Variants in PIEZO1 observed in about 807,000 individuals in gnomAD.
The protein encoded by PIEZO1 is piezo-type mechanosensitive ion channel component 1.
Under a neutral mutation model 297.2 loss-of-function variants are expected in PIEZO1, and 296 were observed. That is an observed-to-expected ratio of 1.00 (90% CI 0.91 to 1.10). The LOEUF (loss-of-function observed/expected upper bound fraction) is 1.10. PIEZO1 is among the 50% of genes least tolerant of loss of function. PIEZO1 has a pLI of 0.00. For missense variants in PIEZO1, 5,018 were observed against 3,455.5 expected (o/e 1.45, Z -11.34); for synonymous variants, 2,427 against 1,507.5 (o/e 1.61, Z -14.13).
chr16:88,725,844 C>A, intron 27 of PIEZO1, 160 bp from the exon 28 acceptor site: 1 of 616,646 alleles, frequency 1.6e-6, no homozygotes, highest in Non-Finnish European at 3.0e-6. Context: ...CCCCCACCCT[C>A]CGTGCTGTCT....
At chr16:88,766,298 A>G (rs1907176038) in intron 1 of PIEZO1, among the ~76,000 whole-genome samples, 1 of 152,236 alleles carries the variant, frequency 6.6e-6, no homozygotes, top group Non-Finnish European at 1.5e-5. Flanking sequence ...GGACCGCCAC[A>G]GAGAAGCCCG....
At chr16:88,778,670 G>A (rs1004934492) in intron 1 of PIEZO1, among the ~76,000 whole-genome samples, 3 of 152,200 alleles carry the variant, frequency 2.0e-5, no homozygotes, top group Non-Finnish European at 4.4e-5. Context: ...ACCAGCAGCT[G>A]CCCAGATCCT....
At chr16:88,775,220 G>C (rs1034739785) in intron 1 of PIEZO1, among the ~76,000 whole-genome samples, 1 of 152,232 alleles carries the variant, frequency 6.6e-6, no homozygotes, top group African/African-American at 2.4e-5. Context: ...GGATTGCCTG[G>C]CACAGGCTGG....
At chr16:88,758,700 C>CAG (rs1187134973) in intron 1 of PIEZO1, among the ~76,000 whole-genome samples, 1 of 152,220 alleles carries the variant, frequency 6.6e-6, no homozygotes, top group African/African-American at 2.4e-5. Context: ...CACCACTGGG[C>CAG]TCTGGCCCTG....
Position 88,734,526 on chromosome 16 carries a change from C to T in PIEZO1, c.2010G>A (p.Leu670=), listed in dbSNP as rs1184780831. 2.6e-6 allele frequency: 4 copies of T among 1,543,292 alleles called. No individual in the cohort carries two copies. The highest frequency in any genetic ancestry group is 1.4e-5 in the African/African-American group (1 of 73,070). The change falls in exon 16 of 51, where the codon CTG becomes CTA. Residue 670 remains leucine, a synonymous_variant. Transcript: ENST00000301015. Reference sequence around the variant, plus strand: ...CGGACACGCTGAACTGCTCCAGGCCCAGGTCCCCCAGCCTGTGGAGGGGCA... The same window carrying T: ...CGGACACGCTGAACTGCTCCAGGCCTAGGTCCCCCAGCCTGTGGAGGGGCA... ...TGFTDEQLGD[L]GLEQFSVSEL... is the part of the protein sequence containing the mutation.
At chr16:88,778,777 C>A (rs970208831) in intron 1 of PIEZO1, among the ~76,000 whole-genome samples, 11 of 152,184 alleles carry the variant, frequency 7.2e-5, no homozygotes, top group African/African-American at 2.4e-4. Flanking sequence ...TGCGACCCCA[C>A]ACAGAAGGGC....
At chr16:88,750,769 G>T (rs1208460632) in intron 1 of PIEZO1, among the ~76,000 whole-genome samples, 1 of 152,196 alleles carries the variant, frequency 6.6e-6, no homozygotes, top group Admixed American at 6.5e-5. Context: ...AGCCTTTCCG[G>T]GGCTACCAGG....
At position 88,725,561 on chromosome 16, in the gene PIEZO1, G is replaced by A. The variant is rs776975220; in HGVS notation, c.4058+34C>T. 7.7e-5 allele frequency: 118 copies of A among 1,526,908 alleles called. 1 individual carries two copies. The highest frequency in any genetic ancestry group is 4.1e-5 in the African/African-American group (3 of 72,614). The allele number at this position is 1,526,908 out of a possible 1,614,324, so 94.6% of individuals were successfully genotyped here. ...TGGGGTATGCTGAGCATTGGGGGGA[G>A]GAGCCGGGGAGTCCCCGCCCCAGAG... On this transcript the variant is annotated intron_variant, in intron 28 of 50. Transcript: ENST00000301015.
chr16:88,715,963 G>A lies in PIEZO1; in HGVS notation c.7286C>T (p.Pro2429Leu). Residue 2429 changes from proline to leucine, a missense_variant, in exon 50 of 51, where the codon CCA (proline) becomes CTA (leucine). Pro to Leu is a moderately conservative substitution (Grantham distance 98, BLOSUM62 -3). Coordinates refer to ENST00000301015, the MANE Select transcript of PIEZO1 (RefSeq NM_001142864.4). ...PMVIFSDKVS[P>L]PSLGFLAGYG... is the part of the protein sequence containing the mutation. ...GCCAGCCAGGAAGCCGAGGCTCGGT[G>A]GGCTGACCTTGTCACTGAAAATGAC... The A allele has an allele frequency of 6.5e-7, 1 of 1,550,038 alleles. No homozygotes were observed. The highest frequency in any genetic ancestry group is 8.7e-7 in the Non-Finnish European group (1 of 1,146,786).
chr16:88,715,355 A>ATAAAT lies in PIEZO1; in HGVS notation c.*245_*249dup. The ATAAAT allele has an allele frequency of 8.0e-7, 1 of 1,248,392 alleles. No individual in the cohort carries two copies. 77.3% of individuals were successfully genotyped at this position (1,248,392 alleles called of 1,614,324 possible). ...GACTGGCCTCTGATTGTCCATTTGT[A>ATAAAT]TAAATAAAACATTTTTTAATTAAAA... On this transcript the variant is annotated 3_prime_UTR_variant, in exon 51 of 51. Transcript: ENST00000301015.
intron 1 of PIEZO1, 43 bp downstream of exon 1, chr16:88,784,858 G>T: frequency 7.5e-7 from 1 of 1,340,384 alleles, no homozygotes; most frequent in Non-Finnish European, 9.9e-7. Flanking sequence ...GAGCCGAGAC[G>T]CAGCCCCCTC....
At position 88,749,365 on chromosome 16, in the gene PIEZO1, C is replaced by A; in HGVS notation, c.160+19G>T. The stretch of plus-strand genomic sequence containing the variant: ...CCCCCTCCCACCCTGAGAGCGTGGG[C>A]AGGGTCCCCTGGCCTTACCTTGGAG... On this transcript the variant is annotated intron_variant, in intron 2 of 50. Coordinates refer to ENST00000301015, the MANE Select transcript of PIEZO1 (RefSeq NM_001142864.4). The A allele has an allele frequency of 6.9e-7, 1 of 1,453,602 alleles. No individual in the cohort carries two copies. Among genetic ancestry groups the A allele is most frequent in the Non-Finnish European group, 9.0e-7 (1 of 1,107,072 alleles). The allele number at this position is 1,453,602 out of a possible 1,614,324, so 90.0% of individuals were successfully genotyped here.
intron 1 of PIEZO1, among the ~76,000 whole-genome samples, chr16:88,762,566 C>G (rs1424776013): frequency 6.6e-6 from 1 of 152,190 alleles, no homozygotes; most frequent in East Asian, 1.9e-4. Flanking sequence ...AGGGTAGACC[C>G]CCAGTGGTGC....
intron 34 of PIEZO1, 51 bp downstream of exon 34, chr16:88,722,786 G>T: frequency 6.5e-7 from 1 of 1,532,830 alleles, no homozygotes; most frequent in East Asian, 2.5e-5. Flanking sequence ...TAAGCAGGCA[G>T]GGGCGTAGTC....
Position 88,727,101 on chromosome 16 carries a change from G to A in PIEZO1, c.3393C>T (p.Asn1131=), listed in dbSNP as rs1038276221. 3.9e-6 allele frequency: 6 copies of A among 1,549,894 alleles called. No homozygotes were observed. Among genetic ancestry groups the A allele is most frequent in the Admixed American group, 3.9e-5 (2 of 50,980 alleles). The change falls in exon 24 of 51, where the codon AAC becomes AAT. Residue 1131 remains asparagine, a synonymous_variant. Coordinates refer to ENST00000301015, the MANE Select transcript of PIEZO1 (RefSeq NM_001142864.4). ...TEEWQRMAGV[N]TDRLEPLRGE... Reference sequence around the variant, plus strand: ...CCCGCAGCGGCTCCAGGCGGTCGGTGTTGACGCCAGCCATGCGCTGCCACT... The same window carrying A: ...CCCGCAGCGGCTCCAGGCGGTCGGTATTGACGCCAGCCATGCGCTGCCACT...
At chr16:88,716,327 G>C in intron 48 of PIEZO1, 34 bp downstream of exon 48, 1 of 1,503,766 alleles carries the variant, frequency 6.6e-7, no homozygotes, top group Non-Finnish European at 8.9e-7. Flanking sequence ...ACCTGGCACA[G>C]CCCTCCTGCC....
chr16:88,719,373 T>A (rs1400931849), intron 44 of PIEZO1: 3 of 586,806 alleles, frequency 5.1e-6, no homozygotes, highest in Non-Finnish European at 9.1e-6. Flanking sequence ...GCTGCCCACT[T>A]CTGCGCCCAG....
chr16:88,729,533 A>T (rs1904662701), intron 22 of PIEZO1, among the ~76,000 whole-genome samples: 1 of 127,206 alleles, frequency 7.9e-6, no homozygotes, highest in Middle Eastern at 5.7e-3. Flanking sequence ...GACATGCTGA[A>T]CCCACAGCCC....
Position 88,741,274 on chromosome 16 carries a change from G to GA in PIEZO1, c.465+203dup, listed in dbSNP as rs1409857835. On this transcript the variant is annotated intron_variant, in intron 5 of 50. Coordinates refer to ENST00000301015, the MANE Select transcript of PIEZO1 (RefSeq NM_001142864.4). ...GCGTGGAGGTTTCTGACTAGAGGCAGAGCCCGAGTAGAAACAGGTCTGAAC... is the reference window on the plus strand; with the variant it reads ...GCGTGGAGGTTTCTGACTAGAGGCAGAAGCCCGAGTAGAAACAGGTCTGAAC... 3 of 532,222 alleles carry GA rather than the reference G, an allele frequency of 5.6e-6. No individual in the cohort carries two copies. The African/African-American group carries it at 5.8e-5, about 10-fold the overall frequency. The allele number at this position is 532,222 out of a possible 1,614,324, so 33.0% of individuals were successfully genotyped here. A position where few individuals can be genotyped will look rare whatever the true frequency, so the allele number is the denominator to read the frequency against.
Sources: gnomAD v4.1 joint callset for allele counts (sites outside exome capture counted in the v4.1 genomes callset) on GRCh38, gnomAD v4.1.1 for gene constraint, MANE v1.5 for transcripts, NCBI Gene and HGNC (gene_info 2026-07-23, HGNC 2026-07-21) for gene names.